ERAP1: variants seen among roughly 807,000 people sequenced by gnomAD.
The protein encoded by ERAP1 is endoplasmic reticulum aminopeptidase 1.
ERAP1 carries 86 observed loss-of-function variants against 103.7 expected under a neutral mutation model. The observed-to-expected ratio is 0.83, with a 90% confidence interval of 0.70 to 0.99. The LOEUF is 0.99. Among genes scored for constraint, ERAP1 ranks in the 50% least tolerant of loss-of-function variants. The pLI is 0.00. For synonymous variants in ERAP1, 398 were observed against 402.4 expected, an observed-to-expected ratio of 0.99 and a Z score of 0.13; for missense variants, 1,009 against 1,128.4, an observed-to-expected ratio of 0.89 and a Z score of 1.52.
chr5:96,844,057 G>A, the ERAP1 span, among the ~76,000 whole-genome samples: 35 of 152,156 alleles, frequency 2.3e-4, no homozygotes, highest in Non-Finnish European at 4.1e-4. Context: ...AGCCTGAACT[G>A]CCTAATTCTC....
the ERAP1 span, among the ~76,000 whole-genome samples, chr5:96,893,372 G>A: frequency 1.3e-5 from 2 of 152,112 alleles, no homozygotes; most frequent in African/African-American, 2.4e-5. Context: ...ACAATAATGA[G>A]CTGTTGTTCT....
At chr5:96,821,513 AG>A in the ERAP1 span, among the ~76,000 whole-genome samples, 1 of 152,276 alleles carries the variant, frequency 6.6e-6, no homozygotes, top group Admixed American at 6.5e-5. Context: ...GATGGGACCC[AG>A]GGGGAAGCAC....
chr5:96,911,125 G>A, the ERAP1 span, among the ~76,000 whole-genome samples: 7 of 152,210 alleles, frequency 4.6e-5, no homozygotes, highest in Admixed American at 4.6e-4. Context: ...TCTGCAAATG[G>A]CAAATTATGT....
chr5:96,805,433 T>G (rs1212965728), intron 1 of ERAP1, among the ~76,000 whole-genome samples: 1 of 151,920 alleles, frequency 6.6e-6, no homozygotes, highest in African/African-American at 2.4e-5. Flanking sequence ...AATCCTGGCT[T>G]TCCCCCTTCA....
the ERAP1 span, among the ~76,000 whole-genome samples, chr5:96,922,885 A>AT: frequency 6.6e-6 from 1 of 152,268 alleles, no homozygotes; most frequent in Non-Finnish European, 1.5e-5. Context: ...CAGAGAAGCC[A>AT]TTATTAGGTA....
the ERAP1 span, among the ~76,000 whole-genome samples, chr5:96,932,352 T>A: frequency 6.6e-6 from 1 of 152,234 alleles, no homozygotes; most frequent in Non-Finnish European, 1.5e-5. Flanking sequence ...TCAAAATAAT[T>A]AGAAAGATCA....
At chr5:96,879,107 T>C in the ERAP1 span, among the ~76,000 whole-genome samples, 2,998 of 152,178 alleles carry the variant, frequency 0.02, 111 homozygotes, top group African/African-American at 0.069. Context: ...TAGTCCCAGC[T>C]ACTCTGGAGG....
the ERAP1 span, among the ~76,000 whole-genome samples, chr5:96,819,903 A>G: frequency 6.6e-6 from 1 of 152,194 alleles, no homozygotes; most frequent in Non-Finnish European, 1.5e-5. Flanking sequence ...AATTTTGACT[A>G]TTTGGGTGTG....
the ERAP1 span, among the ~76,000 whole-genome samples, chr5:96,903,949 C>T: frequency 1.3e-5 from 2 of 152,212 alleles, no homozygotes; most frequent in Non-Finnish European, 2.9e-5. Context: ...CTGTTTCATT[C>T]ACTTAGTGTG....
At chr5:96,887,100 T>TATATATAC in the ERAP1 span, among the ~76,000 whole-genome samples, 1,581 of 136,926 alleles carry the variant, frequency 0.012, 14 homozygotes, top group Non-Finnish European at 0.019. Flanking sequence ...TATATATATA[T>TATATATAC]ACACACACAC....
the ERAP1 span, among the ~76,000 whole-genome samples, chr5:96,871,653 T>C: frequency 6.6e-6 from 1 of 152,222 alleles, no homozygotes; most frequent in African/African-American, 2.4e-5. Flanking sequence ...CACCAGCATT[T>C]TTCATTTGGC....
At chr5:96,911,315 G>A in the ERAP1 span, among the ~76,000 whole-genome samples, 80 of 152,272 alleles carry the variant, frequency 5.3e-4, no homozygotes, top group Middle Eastern at 3.4e-3. Context: ...TCAATGCTCT[G>A]TGTTGTGTTT....
At chr5:96,844,030 TAGA>T in the ERAP1 span, among the ~76,000 whole-genome samples, 3 of 152,324 alleles carry the variant, frequency 2.0e-5, no homozygotes, top group South Asian at 2.1e-4. Flanking sequence ...GCAAGCCATC[TAGA>T]AGGTCAGGTC....
the ERAP1 span, chr5:96,909,941 A>G: frequency 1.7e-6 from 1 of 579,262 alleles, no homozygotes; most frequent in Non-Finnish European, 3.0e-6. Flanking sequence ...AGACTAGTAC[A>G]ATCTCTACCA....
chr5:96,921,615 T>C, the ERAP1 span, among the ~76,000 whole-genome samples: 1 of 152,222 alleles, frequency 6.6e-6, no homozygotes, highest in South Asian at 2.1e-4. Flanking sequence ...TCAAGATCTT[T>C]TACAAATGTA....
chr5:96,829,261 T>C, the ERAP1 span, among the ~76,000 whole-genome samples: 2 of 152,198 alleles, frequency 1.3e-5, no homozygotes, highest in Admixed American at 6.5e-5. Flanking sequence ...TTCATACTTG[T>C]TTTTTCATAT....
At chr5:96,913,265 T>A in the ERAP1 span, 2 of 1,465,886 alleles carry the variant, frequency 1.4e-6, no homozygotes, top group African/African-American at 2.8e-5. Flanking sequence ...TGAGTTAATG[T>A]CCATGTACAT....
At chr5:96,884,060 A>G in the ERAP1 span, 5 of 636,548 alleles carry the variant, frequency 7.9e-6, no homozygotes, top group African/African-American at 3.8e-5. Context: ...CTATCTATCT[A>G]TCTATCTATC....
the ERAP1 span, chr5:96,908,943 A>C: frequency 1.2e-6 from 2 of 1,606,598 alleles, no homozygotes; most frequent in South Asian, 2.2e-5. Context: ...AACCACTGAC[A>C]TTTGTTTTAT....
Sources: gnomAD v4.1 joint callset for allele counts (sites outside exome capture counted in the v4.1 genomes callset) on GRCh38, gnomAD v4.1.1 for gene constraint, MANE v1.5 for transcripts, NCBI Gene and HGNC (gene_info 2026-07-23, HGNC 2026-07-21) for gene names.